Variants in ABTB3 observed in about 807,000 individuals in gnomAD.
The protein encoded by ABTB3 is ankyrin repeat- and BTB/POZ domain-containing protein 3.
chr12:107,442,137 C>T, the ABTB3 span, among the ~76,000 whole-genome samples: 1 of 152,148 alleles, frequency 6.6e-6, no homozygotes, highest in African/African-American at 2.4e-5. Context: ...TTCAGGGCAG[C>T]GACGAGTCTC....
chr12:107,639,011 T>A, the ABTB3 span, among the ~76,000 whole-genome samples: 1 of 152,150 alleles, frequency 6.6e-6, no homozygotes, highest in African/African-American at 2.4e-5. Flanking sequence ...CTGGGGCTAC[T>A]GGGTCTGGGG....
the ABTB3 span, among the ~76,000 whole-genome samples, chr12:107,460,973 A>G: frequency 2.0e-5 from 3 of 152,182 alleles, no homozygotes; most frequent in Non-Finnish European, 4.4e-5. Flanking sequence ...TAATAAAGAC[A>G]TACCCAAGAC....
the ABTB3 span, among the ~76,000 whole-genome samples, chr12:107,597,980 G>A: frequency 6.6e-6 from 1 of 152,162 alleles, no homozygotes. Flanking sequence ...GAGACCATAT[G>A]GCCTACAAGC....
chr12:107,425,985 C>T, the ABTB3 span, among the ~76,000 whole-genome samples: 10 of 152,364 alleles, frequency 6.6e-5, no homozygotes, highest in South Asian at 4.1e-4. Flanking sequence ...ATCTGTTCTG[C>T]GGCTACAGAA....
chr12:107,451,554 G>A, the ABTB3 span, among the ~76,000 whole-genome samples: 1 of 152,164 alleles, frequency 6.6e-6, no homozygotes, highest in Non-Finnish European at 1.5e-5. Flanking sequence ...TTCTCTGGAG[G>A]TTTCCCACTG....
At chr12:107,381,955 TAA>T in the ABTB3 span, among the ~76,000 whole-genome samples, 2 of 152,246 alleles carry the variant, frequency 1.3e-5, no homozygotes, top group Non-Finnish European at 2.9e-5. Context: ...CAATTTATTA[TAA>T]CTCATTCAAC....
the ABTB3 span, among the ~76,000 whole-genome samples, chr12:107,374,409 C>A: frequency 6.6e-6 from 1 of 152,208 alleles, no homozygotes; most frequent in Non-Finnish European, 1.5e-5. Context: ...ACTCCTCTCT[C>A]CTCATGTCCC....
the ABTB3 span, among the ~76,000 whole-genome samples, chr12:107,527,585 T>C: frequency 0.097 from 14,790 of 151,962 alleles, 781 homozygotes; most frequent in Non-Finnish European, 0.12. Context: ...AGTTTTTGTT[T>C]TTTTTTTTTA....
the ABTB3 span, among the ~76,000 whole-genome samples, chr12:107,427,394 G>A: frequency 1.3e-5 from 2 of 151,774 alleles, no homozygotes; most frequent in Non-Finnish European, 2.9e-5. Context: ...CCACCCTCCC[G>A]CCTCAACCTC....
chr12:107,384,412 G>C, the ABTB3 span, among the ~76,000 whole-genome samples: 1 of 152,188 alleles, frequency 6.6e-6, no homozygotes, highest in African/African-American at 2.4e-5. Context: ...TTAGCTGAGA[G>C]AGCCAGTGGC....
chr12:107,430,866 A>G, the ABTB3 span, among the ~76,000 whole-genome samples: 1 of 152,280 alleles, frequency 6.6e-6, no homozygotes, highest in Non-Finnish European at 1.5e-5. Flanking sequence ...ATTGAACTAT[A>G]GTATTAATTT....
the ABTB3 span, among the ~76,000 whole-genome samples, chr12:107,381,122 GC>G: frequency 6.6e-6 from 1 of 151,498 alleles, no homozygotes; most frequent in Non-Finnish European, 1.5e-5. Context: ...CCTCTATTCT[GC>G]CTTTGTCTTC....
chr12:107,588,544 A>T, the ABTB3 span, among the ~76,000 whole-genome samples: 2 of 152,148 alleles, frequency 1.3e-5, no homozygotes, highest in African/African-American at 4.8e-5. Context: ...TGTTTGAGAC[A>T]GAGTCTTGCT....
the ABTB3 span, chr12:107,543,951 T>A: frequency 6.2e-7 from 1 of 1,613,558 alleles, no homozygotes; most frequent in Non-Finnish European, 8.5e-7. Context: ...TGGTGTCCCG[T>A]GCAATGCATC....
the ABTB3 span, among the ~76,000 whole-genome samples, chr12:107,383,244 T>TACCCA: frequency 6.6e-6 from 1 of 152,210 alleles, no homozygotes. Context: ...CCTTACCCAT[T>TACCCA]TGCCCTGCAG....
At chr12:107,368,539 ATGT>A in the ABTB3 span, among the ~76,000 whole-genome samples, 9,198 of 152,256 alleles carry the variant, frequency 0.06, 377 homozygotes, top group Admixed American at 0.12. Context: ...GTGAACAATA[ATGT>A]TGTCATTATG....
chr12:107,549,639 G>T, the ABTB3 span, among the ~76,000 whole-genome samples: 32 of 152,182 alleles, frequency 2.1e-4, no homozygotes, highest in African/African-American at 7.7e-4. Flanking sequence ...TTCCCCTTCT[G>T]CATGAAAATT....
chr12:107,569,454 A>C, the ABTB3 span, among the ~76,000 whole-genome samples: 3 of 152,244 alleles, frequency 2.0e-5, no homozygotes, highest in African/African-American at 7.2e-5. Flanking sequence ...GTTGATGAAC[A>C]AATTCAACCT....
At chr12:107,386,807 G>A in the ABTB3 span, among the ~76,000 whole-genome samples, 1 of 151,958 alleles carries the variant, frequency 6.6e-6, no homozygotes, top group African/African-American at 2.4e-5. Flanking sequence ...TTCTAATTAT[G>A]TCATGTCATG....
Sources: gnomAD v4.1 joint callset for allele counts (sites outside exome capture counted in the v4.1 genomes callset) on GRCh38, gnomAD v4.1.1 for gene constraint, MANE v1.5 for transcripts, NCBI Gene and HGNC (gene_info 2026-07-23, HGNC 2026-07-21) for gene names.